PCDHA11: variants seen among roughly 807,000 people sequenced by gnomAD.
The protein encoded by PCDHA11 is protocadherin alpha-11.
A neutral mutation model predicts 70.3 loss-of-function variants in PCDHA11; 61 were observed. That is an observed-to-expected ratio of 0.87 (90% CI 0.71 to 1.07). PCDHA11 has a LOEUF of 1.07. Ranked by LOEUF, PCDHA11 falls within the 50% of genes least tolerant of loss-of-function variation. The probability of loss-of-function intolerance (pLI) is 0.00; values close to 1 mark genes in which losing one functional copy is unlikely to be tolerated. For missense variants in PCDHA11, 1,324 were observed against 1,237.5 expected, an observed-to-expected ratio of 1.07 and a Z score of -1.05; for synonymous variants, 633 against 555.1, an observed-to-expected ratio of 1.14 and a Z score of -1.97.
At chr5:140,932,946 G>A (rs1554209125) in intron 1 of PCDHA11, among the ~76,000 whole-genome samples, 1 of 151,982 alleles carries the variant, frequency 6.6e-6, no homozygotes, top group East Asian at 1.9e-4. Flanking sequence ...TGGAATGAAG[G>A]TGGACTAAAT....
intron 1 of PCDHA11, among the ~76,000 whole-genome samples, chr5:140,916,237 A>G (rs1004473327): frequency 6.6e-6 from 1 of 152,182 alleles, no homozygotes; most frequent in African/African-American, 2.4e-5. Context: ...CCAGGAGCCA[A>G]AGCCTGGACT....
intron 1 of PCDHA11, chr5:140,883,357 T>C: frequency 6.2e-7 from 1 of 1,614,094 alleles, no homozygotes; most frequent in Non-Finnish European, 8.5e-7. Context: ...GAGAAGACAC[T>C]CAGCCTAGCG....
rs150382315 is a variant in PCDHA11, at chr5:140,929,255, G to A, written c.2392-49694G>A. 5.2e-5 allele frequency: 84 copies of A among 1,613,256 alleles called. No homozygotes were observed. In the South Asian group the frequency reaches 8.9e-4, roughly 17 times the overall value. On this transcript the variant is annotated intron_variant, in intron 1 of 3. Coordinates refer to ENST00000398640, the MANE Select transcript of PCDHA11 (RefSeq NM_018902.5). ...CTGCGAAATCTTGCCACTGGGGTAG[G>A]ACTGAATTTGCCAATATCCTGTATT...
chr5:140,930,203 T>C (rs1486886896), intron 1 of PCDHA11: 6 of 152,202 alleles, frequency 3.9e-5, no homozygotes, highest in African/African-American at 1.4e-4. Flanking sequence ...ATGTCAGAAA[T>C]ATTTATGTGT....
intron 1 of PCDHA11, among the ~76,000 whole-genome samples, chr5:140,888,256 C>A (rs1454353322): frequency 6.6e-6 from 1 of 151,942 alleles, no homozygotes; most frequent in African/African-American, 2.4e-5. Context: ...AGCAGTAGTT[C>A]TTGATAAGAA....
chr5:140,957,333 A>T (rs2095351211), intron 1 of PCDHA11, among the ~76,000 whole-genome samples: 1 of 152,164 alleles, frequency 6.6e-6, no homozygotes, highest in African/African-American at 2.4e-5. Context: ...GTACAGTAAG[A>T]TATTTTGAGA....
At chr5:140,900,713 G>A (rs1367112592) in intron 1 of PCDHA11, among the ~76,000 whole-genome samples, 1 of 152,194 alleles carries the variant, frequency 6.6e-6, no homozygotes, top group Non-Finnish European at 1.5e-5. Context: ...TGGAAAGAAA[G>A]GAAATCCTAC....
chr5:140,882,133 G>A, intron 1 of PCDHA11: 1 of 1,483,612 alleles, frequency 6.7e-7, no homozygotes, highest in Non-Finnish European at 9.0e-7. Flanking sequence ...TCTTCCTGCA[G>A]AAAATATAGC....
In PCDHA11 at chr5:140,869,918, G is replaced by A; in HGVS notation, c.815G>A (p.Gly272Glu). ...LKLNATDRDE[G>E]VNGEVTYSLM... ...CTAAACGCCACAGACCGAGACGAAG[G>A]AGTCAATGGAGAGGTAACATACTCC... Residue 272 changes from glycine (G) to glutamate (E), a missense_variant, in exon 1 of 4, where the codon GGA (glycine) becomes GAA (glutamate). By Grantham distance (98) the Gly-to-Glu change is moderately conservative (BLOSUM62 -2). Transcript: ENST00000398640. 6.2e-7 allele frequency: 1 copy of A among 1,611,272 alleles called. No individual in the cohort carries two copies.
chr5:140,894,525 A>G (rs544789222), intron 1 of PCDHA11, among the ~76,000 whole-genome samples: 11 of 151,856 alleles, frequency 7.2e-5, no homozygotes, highest in African/African-American at 2.7e-4. Context: ...ATATGCTGTT[A>G]TGTGCCTTCT....
chr5:140,900,543 C>T (rs889758586), intron 1 of PCDHA11, among the ~76,000 whole-genome samples: 2 of 152,210 alleles, frequency 1.3e-5, no homozygotes, highest in African/African-American at 4.8e-5. Context: ...TTCCAAAGTG[C>T]TGGGATTACA....
At position 140,870,744 on chromosome 5, in the gene PCDHA11, C is replaced by G; in HGVS notation, c.1641C>G (p.Asn547Lys). ...CGGGCGTGCCGCCTCTGAGCAGCAA[C>G]GTGACGCTGCAGGTGTTCGTGCTGG... is the stretch of plus-strand genomic sequence containing the variant. Reference protein sequence around the residue: ...RDAGVPPLSSNVTLQVFVLDE... With the variant: ...RDAGVPPLSSKVTLQVFVLDE... Residue 547 changes from asparagine (N) to lysine (K), a missense_variant, in exon 1 of 4, where the codon AAC (asparagine) becomes AAG (lysine). Coordinates refer to ENST00000398640, the MANE Select transcript of PCDHA11 (RefSeq NM_018902.5). The G allele has an allele frequency of 3.7e-6, 6 of 1,613,474 alleles. No individual in the cohort carries two copies. The highest frequency in any genetic ancestry group is 5.1e-6 in the Non-Finnish European group (6 of 1,179,894).
chr5:140,891,430 A>G (rs1422502424), intron 1 of PCDHA11, among the ~76,000 whole-genome samples: 1 of 141,772 alleles, frequency 7.1e-6, no homozygotes, highest in Non-Finnish European at 1.5e-5. Flanking sequence ...CCAAGTCCCC[A>G]ACGTCCATTG....
chr5:141,010,226 C>T lies in PCDHA11; in HGVS notation c.*289C>T, dbSNP rs1386050566. ...CGCCGCAAAGGAGAGGCTTCCCAGC[C>T]CCGCCAGTGAGAGGTTGGACTCTCT... On this transcript the variant is annotated 3_prime_UTR_variant, in exon 4 of 4. Transcript: ENST00000398640. 6.4e-7 allele frequency: 1 copy of T among 1,551,824 alleles called. No homozygotes were observed. Among genetic ancestry groups the T allele is most frequent in the Admixed American group, 2.0e-5 (1 of 51,014 alleles).
chr5:140,953,938 C>T (rs1349031672), intron 1 of PCDHA11, among the ~76,000 whole-genome samples: 1 of 152,088 alleles, frequency 6.6e-6, no homozygotes, highest in African/African-American at 2.4e-5. Context: ...CTCTCCCTCC[C>T]ATTGCTCCCC....
chr5:141,008,072 T>G (rs1419103459), intron 3 of PCDHA11, among the ~76,000 whole-genome samples: 3 of 152,154 alleles, frequency 2.0e-5, no homozygotes, highest in African/African-American at 7.2e-5. Context: ...TAAGAACTTA[T>G]TGGGGTTATT....
intron 1 of PCDHA11, chr5:140,884,155 C>G: frequency 6.2e-7 from 1 of 1,613,430 alleles, no homozygotes; most frequent in Non-Finnish European, 8.5e-7. Context: ...TGTACACTGG[C>G]GAGATCAGCA....
intron 1 of PCDHA11, among the ~76,000 whole-genome samples, chr5:140,920,841 T>TAAAAAAAAA (rs781921146): frequency 9.2e-6 from 1 of 109,226 alleles, no homozygotes; most frequent in Non-Finnish European, 1.9e-5. Context: ...AGACCAAATC[T>TAAAAAAAAA]AAAAAAAAAA....
intron 1 of PCDHA11, among the ~76,000 whole-genome samples, chr5:140,897,595 A>C (rs2066215346): frequency 6.6e-6 from 1 of 152,132 alleles, no homozygotes; most frequent in Admixed American, 6.5e-5. Context: ...TCATTGTTGG[A>C]CATTTGGGTT....
Sources: allele counts gnomAD v4.1 joint callset (sites outside exome capture counted in the v4.1 genomes callset), GRCh38; gene constraint gnomAD v4.1.1; transcripts MANE v1.5; gene names NCBI Gene and HGNC (gene_info 2026-07-23, HGNC 2026-07-21).